The following CABIN1 variants were observed in gnomAD, a reference collection of about 807,000 sequenced individuals.
The protein encoded by CABIN1 is calcineurin-binding protein cabin-1.
A neutral mutation model predicts 227.7 loss-of-function variants in CABIN1; 133 were observed. That is an observed-to-expected ratio of 0.58 (90% CI 0.51 to 0.67). The LOEUF (loss-of-function observed/expected upper bound fraction) is 0.67, where lower values mean the gene tolerates loss of function less well. Ranked by LOEUF, CABIN1 falls within the 30% of genes least tolerant of loss-of-function variation. The pLI, the probability that CABIN1 is intolerant of heterozygous loss-of-function variation, is 0.00. For synonymous variants in CABIN1, 1,086 were observed against 1,155.1 expected, an observed-to-expected ratio of 0.94 and a Z score of 1.21; for missense variants, 2,408 against 2,852.5, an observed-to-expected ratio of 0.84 and a Z score of 3.55.
intron 29 of CABIN1, among the ~76,000 whole-genome samples, chr22:24,150,033 T>C (rs1166733169): frequency 1.3e-5 from 2 of 152,088 alleles, no homozygotes; most frequent in Admixed American, 6.5e-5. Flanking sequence ...AGAGGCTGCG[T>C]TGTGGAGGCC....
intron 26 of CABIN1, chr22:24,102,954 C>A (rs2042296929): frequency 6.5e-6 from 1 of 152,896 alleles, no homozygotes; most frequent in Non-Finnish European, 1.5e-5. Flanking sequence ...GCCGTCTGTG[C>A]TCATCTTCGC....
chr22:24,084,981 T>A (rs2041057227), intron 21 of CABIN1, 25 bp from the exon 22 acceptor site: 3 of 1,614,212 alleles, frequency 1.9e-6, no homozygotes, highest in Non-Finnish European at 2.5e-6. Context: ...CCACCTCCCC[T>A]CATACTTTTC....
intron 29 of CABIN1, chr22:24,156,030 G>A: frequency 3.5e-6 from 2 of 572,578 alleles, no homozygotes; most frequent in Non-Finnish European, 3.1e-6. Flanking sequence ...CCATGGCCCG[G>A]CGCTCGCCCT....
At chr22:24,082,399 T>G (rs1412222544) in intron 19 of CABIN1, among the ~76,000 whole-genome samples, 1 of 152,240 alleles carries the variant, frequency 6.6e-6, no homozygotes, top group Non-Finnish European at 1.5e-5. Context: ...CAGTATTCAC[T>G]TTTCTAATGC....
intron 28 of CABIN1, among the ~76,000 whole-genome samples, chr22:24,120,391 G>A (rs1463065009): frequency 6.6e-6 from 1 of 152,218 alleles, no homozygotes; most frequent in Admixed American, 6.5e-5. Flanking sequence ...ATTTGGGGAG[G>A]TAATGTGGCC....
At chr22:24,130,038 A>G (rs565978861) in intron 28 of CABIN1, among the ~76,000 whole-genome samples, 26 of 152,344 alleles carry the variant, frequency 1.7e-4, no homozygotes, top group African/African-American at 5.5e-4. Flanking sequence ...AGGTGCCTGT[A>G]TGCTTCTACG....
At chr22:24,056,036 G>A (rs2038769478) in intron 9 of CABIN1, among the ~76,000 whole-genome samples, 156 bp from the exon 10 acceptor site, 1 of 152,186 alleles carries the variant, frequency 6.6e-6, no homozygotes, top group Non-Finnish European at 1.5e-5. Context: ...ATTTTACTCA[G>A]GATTCTTTGT....
chr22:24,077,212 C>T (rs2040504040), intron 19 of CABIN1, among the ~76,000 whole-genome samples: 1 of 152,172 alleles, frequency 6.6e-6, no homozygotes, highest in Non-Finnish European at 1.5e-5. Context: ...CCCCTCAGCG[C>T]TTAACCTCTA....
intron 4 of CABIN1, 60 bp from the exon 5 acceptor site, chr22:24,041,079 G>A: frequency 6.2e-7 from 1 of 1,611,328 alleles, no homozygotes; most frequent in Non-Finnish European, 8.5e-7. Flanking sequence ...CAAGTATCCT[G>A]CTGGCTGCTT....
At chr22:24,093,128 G>A (rs1213666174) in intron 24 of CABIN1, among the ~76,000 whole-genome samples, 1 of 152,320 alleles carries the variant, frequency 6.6e-6, no homozygotes, top group East Asian at 1.9e-4. Context: ...TTGCCAGGTT[G>A]TTTAGCATTC....
In CABIN1 at chr22:24,171,817, C is replaced by T. The variant is rs756123380; in HGVS notation, c.5862C>T (p.Asp1954=). 1 of 1,614,170 alleles carries T rather than the reference C, an allele frequency of 6.2e-7. No individual in the cohort carries two copies. Among genetic ancestry groups the T allele is most frequent in the South Asian group, 1.1e-5 (1 of 91,092 alleles). Residue 1954 remains aspartate, a synonymous_variant, in exon 34 of 37, where the codon GAC becomes GAT. Transcript: ENST00000263119. Reference sequence around the variant, plus strand: ...CAGCCCCTGACCCTGTGCCAGCTGACTCTGTCCAGCGGCCCAGTGATGCTC... The same window carrying T: ...CAGCCCCTGACCCTGTGCCAGCTGATTCTGTCCAGCGGCCCAGTGATGCTC... ...VPTAPDPVPA[D]SVQRPSDAHT...
intron 28 of CABIN1, among the ~76,000 whole-genome samples, chr22:24,131,627 C>G (rs193150474): frequency 2.0e-5 from 3 of 152,210 alleles, no homozygotes; most frequent in African/African-American, 7.2e-5. Flanking sequence ...CAGTGAGTCC[C>G]TTATCCCCAT....
At chr22:24,070,663 C>A in intron 16 of CABIN1, 137 bp from the exon 17 acceptor site, 2 of 1,264,628 alleles carry the variant, frequency 1.6e-6, no homozygotes, top group Non-Finnish European at 2.3e-6. Context: ...CTGCATGGGG[C>A]CTATGTTGTG....
intron 29 of CABIN1, among the ~76,000 whole-genome samples, chr22:24,147,205 T>C (rs1431271410): frequency 1.3e-5 from 2 of 152,038 alleles, no homozygotes; most frequent in Non-Finnish European, 2.9e-5. Flanking sequence ...AGAGGTTTGT[T>C]CTTGGAATGT....
chr22:24,047,469 C>G (rs962454952), intron 6 of CABIN1, among the ~76,000 whole-genome samples: 1 of 152,218 alleles, frequency 6.6e-6, no homozygotes, highest in African/African-American at 2.4e-5. Flanking sequence ...CTGGAAGTCA[C>G]TGATGGCTAC....
At chr22:24,040,448 A>G (rs1292761963) in intron 4 of CABIN1, among the ~76,000 whole-genome samples, 2 of 152,194 alleles carry the variant, frequency 1.3e-5, no homozygotes, top group Non-Finnish European at 2.9e-5. Context: ...TTTCTGTTAG[A>G]AAATGTTTTA....
chr22:24,059,807 C>A, intron 11 of CABIN1, 117 bp from the exon 12 acceptor site: 1 of 907,810 alleles, frequency 1.1e-6, no homozygotes, highest in Non-Finnish European at 1.8e-6. Flanking sequence ...GGTATCATGT[C>A]CACCTGGATC....
At chr22:24,056,022 A>G (rs2038768751) in intron 9 of CABIN1, among the ~76,000 whole-genome samples, 170 bp from the exon 10 acceptor site, 1 of 152,216 alleles carries the variant, frequency 6.6e-6, no homozygotes, top group South Asian at 2.1e-4. Flanking sequence ...GGGGTTTCAA[A>G]TTAATTTTAC....
At chr22:24,164,927 C>T (rs1182345181) in intron 30 of CABIN1, among the ~76,000 whole-genome samples, 1 of 152,170 alleles carries the variant, frequency 6.6e-6, no homozygotes, top group South Asian at 2.1e-4. Context: ...CAGACAAAGG[C>T]CAGTAACAGT....
Sources: gnomAD v4.1 joint callset for allele counts (sites outside exome capture counted in the v4.1 genomes callset) on GRCh38, gnomAD v4.1.1 for gene constraint, MANE v1.5 for transcripts, NCBI Gene and HGNC (gene_info 2026-07-23, HGNC 2026-07-21) for gene names.